Variants in RAB15 observed in about 807,000 individuals in gnomAD.
RAB15 encodes the protein ras-related protein Rab-15.
Under a neutral mutation model 31.8 loss-of-function variants are expected in RAB15, and 13 were observed. The ratio of observed to expected loss-of-function variants is 0.41; its 90% CI spans 0.27 to 0.65. The LOEUF is 0.65. RAB15 is among the 30% of genes least tolerant of loss of function. RAB15 has a pLI of 0.32. For synonymous variants in RAB15, 100 were observed against 105.6 expected, an observed-to-expected ratio of 0.95 and a Z score of 0.33; for missense variants, 220 against 277.3, an observed-to-expected ratio of 0.79 and a Z score of 1.47.
At chr14:64,965,093 A>G (rs1887061281) in intron 1 of RAB15, among the ~76,000 whole-genome samples, 2 of 152,232 alleles carry the variant, frequency 1.3e-5, no homozygotes, top group Non-Finnish European at 2.9e-5. Flanking sequence ...CTACAGGCAC[A>G]TGCCACCATA....
rs1018620242 is a variant in RAB15 at position 64,970,657 on chromosome 14, G to A, written c.124+1296C>T. 2.4e-4 allele frequency among the ~76,000 whole-genome samples: 37 copies of A among 152,302 alleles called. No homozygotes were observed. The highest frequency in any genetic ancestry group is 7.7e-4 in the African/African-American group (32 of 41,550). ...TGGCTGTGCTAAGCACTTAACAATC[G>A]TTATCTCATTTAATCTTGACAACAA... On this transcript the variant is annotated intron_variant, in intron 1 of 6. Coordinates refer to ENST00000533601, the MANE Select transcript of RAB15 (RefSeq NM_001308154.2). This position sits in a 1 kb window ranked among gnomAD's most constrained non-coding sequence, Gnocchi z 4.1.
chr14:64,968,300 G>A lies in RAB15; in HGVS notation c.124+3653C>T, dbSNP rs1022820125. ...TCCCACCTCTGTTATCTCTGCTCAT[G>A]TTACTCCATCTGCTCCCTTCTGCTG... is the stretch of plus-strand genomic sequence containing the variant. On this transcript the variant is annotated intron_variant, in intron 1 of 6. Transcript: ENST00000533601. This position sits in a 1 kb window ranked among gnomAD's most constrained non-coding sequence, Gnocchi z 4.9. 6.6e-6 allele frequency among the ~76,000 whole-genome samples: 1 copy of A among 152,140 alleles called. No homozygotes were observed. Among genetic ancestry groups the A allele is most frequent in the Admixed American group, 6.6e-5 (1 of 15,264 alleles).
At chr14:64,965,607 G>C (rs1343605077) in intron 1 of RAB15, among the ~76,000 whole-genome samples, 2 of 152,178 alleles carry the variant, frequency 1.3e-5, no homozygotes, top group Non-Finnish European at 2.9e-5. Flanking sequence ...GGCCTATACA[G>C]AAAACTGGCA....
In RAB15 at chr14:64,955,986, G is replaced by C. The variant is rs966065491; in HGVS notation, c.125-3415C>G. ...ATCTGGTAGGTGTAGGGCAAGGCCT[G>C]AGATGCTGCAGGAAGCTCCCAGGTG... On this transcript the variant is annotated intron_variant, in intron 1 of 6. Coordinates refer to ENST00000533601, the MANE Select transcript of RAB15 (RefSeq NM_001308154.2). The surrounding 1 kb of genome is among the most constrained non-coding windows in gnomAD (Gnocchi z 4.4). 6.6e-6 allele frequency among the ~76,000 whole-genome samples: 1 copy of C among 152,206 alleles called. No homozygotes were observed. The highest frequency in any genetic ancestry group is 1.5e-5 in the Non-Finnish European group (1 of 68,038).
intron 1 of RAB15, among the ~76,000 whole-genome samples, chr14:64,969,137 G>A (rs1887293414): frequency 6.6e-6 from 1 of 152,198 alleles, no homozygotes; most frequent in African/African-American, 2.4e-5. Flanking sequence ...TGGCCAGCAT[G>A]GTCATGTAAT....
rs1488608032 is a variant in RAB15 at position 64,954,420 on chromosome 14, T to G, written c.125-1849A>C. The G allele has an allele frequency of 1.0e-6, 1 of 985,294 alleles. No individual in the cohort carries two copies. The highest frequency in any genetic ancestry group is 1.7e-5 in the African/African-American group (1 of 57,216). The allele number at this position is 985,294 out of a possible 1,614,324, so 61.0% of individuals were successfully genotyped here. A position where few individuals can be genotyped will look rare whatever the true frequency, so the allele number is the denominator to read the frequency against. ...CCTTCTTCCAAGAAGAACGAGAAAT[T>G]TTCTCCAATTTGTAATATACCTGGT... On this transcript the variant is annotated intron_variant, in intron 1 of 6. Coordinates refer to ENST00000533601, the MANE Select transcript of RAB15 (RefSeq NM_001308154.2). The surrounding 1 kb of genome is among the most constrained non-coding windows in gnomAD (Gnocchi z 4.3).
chr14:64,971,516 C>G lies in RAB15; in HGVS notation c.124+437G>C, dbSNP rs1475986814. On this transcript the variant is annotated intron_variant, in intron 1 of 6. Transcript: ENST00000533601. This position sits in a 1 kb window ranked among gnomAD's most constrained non-coding sequence, Gnocchi z 4.1. The stretch of plus-strand genomic sequence containing the variant: ...CCCCCTCGCCCCCCGCCGGCTCCAC[C>G]TTGGGTCACCACAGAACCAAGGGCG... Among the ~76,000 whole-genome samples the G allele has an allele frequency of 6.6e-6, 1 of 152,128 alleles. No individual in the cohort carries two copies. Among genetic ancestry groups the G allele is most frequent in the African/African-American group, 2.4e-5 (1 of 41,524 alleles).
Position 64,953,033 on chromosome 14 carries a change from C to A in RAB15, c.125-462G>T, listed in dbSNP as rs1270298624. ...TGCCTTGTTAATAACCAGAAGGGGT[C>A]ATAGTGCCAGACTGTGGAGAGAGAG... On this transcript the variant is annotated intron_variant, in intron 1 of 6. Coordinates refer to ENST00000533601, the MANE Select transcript of RAB15 (RefSeq NM_001308154.2). The surrounding 1 kb of genome is among the most constrained non-coding windows in gnomAD (Gnocchi z 4.6). Among the ~76,000 whole-genome samples, 4 of 152,190 alleles carry A rather than the reference C, an allele frequency of 2.6e-5. No individual in the cohort carries two copies. The highest frequency in any genetic ancestry group is 5.9e-5 in the Non-Finnish European group (4 of 68,054).
rs1885997449 is a variant in RAB15 at position 64,947,816 on chromosome 14, G to C, written c.*538C>G. The C allele has an allele frequency of 6.6e-6, 1 of 152,480 alleles. No homozygotes were observed. The highest frequency in any genetic ancestry group is 1.5e-5 in the Non-Finnish European group (1 of 68,268). The allele number at this position is 152,480 out of a possible 1,614,324, so 9.4% of individuals were successfully genotyped here. A position where few individuals can be genotyped will look rare whatever the true frequency, so the allele number is the denominator to read the frequency against. ...GGTGGAGGGTTCTTCCTGGATCCAA[G>C]GGTGGAACCTCCCCACGAGCCTGGG... is the stretch of plus-strand genomic sequence containing the variant. On this transcript the variant is annotated 3_prime_UTR_variant, in exon 7 of 7. Transcript: ENST00000533601. The surrounding 1 kb of genome is among the most constrained non-coding windows in gnomAD (Gnocchi z 5.6).
chr14:64,949,802 C>A (rs1886146011), intron 5 of RAB15, among the ~76,000 whole-genome samples: 1 of 151,954 alleles, frequency 6.6e-6, no homozygotes, highest in African/African-American at 2.4e-5. Context: ...GGTCTCCCTG[C>A]ATGCTTGGAC....
Position 64,968,877 on chromosome 14 carries a change from A to C in RAB15, c.124+3076T>G, listed in dbSNP as rs945391476. ...GGCCACCTGCTGGTCTGCTGGCCAGAAAGACGAAAAGGATAGGGGGAGGGA... is the reference window on the plus strand; with the variant it reads ...GGCCACCTGCTGGTCTGCTGGCCAGCAAGACGAAAAGGATAGGGGGAGGGA... On this transcript the variant is annotated intron_variant, in intron 1 of 6. Transcript: ENST00000533601. This position sits in a 1 kb window ranked among gnomAD's most constrained non-coding sequence, Gnocchi z 4.9. Among the ~76,000 whole-genome samples the C allele has an allele frequency of 2.6e-5, 4 of 152,228 alleles. No individual in the cohort carries two copies. The highest frequency in any genetic ancestry group is 9.6e-5 in the African/African-American group (4 of 41,464).
chr14:64,957,705 A>C (rs1004017602), intron 1 of RAB15, among the ~76,000 whole-genome samples: 5 of 152,148 alleles, frequency 3.3e-5, no homozygotes, highest in Admixed American at 6.5e-5. Context: ...CCACTGACTC[A>C]TGTTCCCACA....
In RAB15 at chr14:64,950,535, C is replaced by T. The variant is rs574835214; in HGVS notation, c.325-121G>A. 112 of 842,356 alleles carry T rather than the reference C, an allele frequency of 1.3e-4. No individual in the cohort carries two copies. The highest frequency in any genetic ancestry group is 2.0e-4 in the Admixed American group (11 of 55,220). The allele number at this position is 842,356 out of a possible 1,614,324, so 52.2% of individuals were successfully genotyped here. A position where few individuals can be genotyped will look rare whatever the true frequency, so the allele number is the denominator to read the frequency against. ...CCAGAGCCCTAGGGACAGGGTGGGC[C>T]GACTGGATGCAGGTGCCAGGCTCCC... On this transcript the variant is annotated intron_variant, in intron 4 of 6. Transcript: ENST00000533601. The surrounding 1 kb of genome is among the most constrained non-coding windows in gnomAD (Gnocchi z 5.6).
At position 64,971,294 on chromosome 14, in the gene RAB15, C is replaced by T. The variant is rs1887403079; in HGVS notation, c.124+659G>A. Among the ~76,000 whole-genome samples the T allele has an allele frequency of 6.6e-6, 1 of 152,192 alleles. No individual in the cohort carries two copies. The highest frequency in any genetic ancestry group is 2.1e-4 in the South Asian group (1 of 4,836). On this transcript the variant is annotated intron_variant, in intron 1 of 6. Transcript: ENST00000533601. The surrounding 1 kb of genome is among the most constrained non-coding windows in gnomAD (Gnocchi z 4.1). Reference sequence around the variant, plus strand: ...CAGGCGGGTCCTGCCTGCCTTCTGACCCCTTGGTCTGGGCAGGTATTCCTG... The same window carrying T: ...CAGGCGGGTCCTGCCTGCCTTCTGATCCCTTGGTCTGGGCAGGTATTCCTG...
chr14:64,951,501 G>A lies in RAB15; in HGVS notation c.246+102C>T, dbSNP rs963050897. The A allele has an allele frequency of 6.9e-5, 75 of 1,087,032 alleles. No individual in the cohort carries two copies. Among genetic ancestry groups the A allele is most frequent in the East Asian group, 2.4e-4 (10 of 42,532 alleles). 67.3% of individuals were successfully genotyped at this position (1,087,032 alleles called of 1,614,324 possible). A position where few individuals can be genotyped will look rare whatever the true frequency, so the allele number is the denominator to read the frequency against. Reference sequence around the variant, plus strand: ...ACGCCCTGCGCTCCTCCAAGCAGGCGAACTGTATTTAGGGGATCCGTGGCA... The same window carrying A: ...ACGCCCTGCGCTCCTCCAAGCAGGCAAACTGTATTTAGGGGATCCGTGGCA... On this transcript the variant is annotated intron_variant, in intron 3 of 6. Coordinates refer to ENST00000533601, the MANE Select transcript of RAB15 (RefSeq NM_001308154.2). This position sits in a 1 kb window ranked among gnomAD's most constrained non-coding sequence, Gnocchi z 7.2.
In RAB15 at chr14:64,954,063, T is replaced by C; in HGVS notation, c.125-1492A>G. The stretch of plus-strand genomic sequence containing the variant: ...TCTTCCTTCCCACCATCAAGACCAA[T>C]CATCATTTAATTACAAGGGAAAAAA... On this transcript the variant is annotated intron_variant, in intron 1 of 6. Transcript: ENST00000533601. This position sits in a 1 kb window ranked among gnomAD's most constrained non-coding sequence, Gnocchi z 4.3. 1.0e-6 allele frequency: 1 copy of C among 985,400 alleles called. No individual in the cohort carries two copies. The highest frequency in any genetic ancestry group is 4.7e-5 in the South Asian group (1 of 21,284). The allele number at this position is 985,400 out of a possible 1,614,324, so 61.0% of individuals were successfully genotyped here. A position where few individuals can be genotyped will look rare whatever the true frequency, so the allele number is the denominator to read the frequency against.
At chr14:64,969,136 T>C (rs1391171046) in intron 1 of RAB15, among the ~76,000 whole-genome samples, 1 of 152,250 alleles carries the variant, frequency 6.6e-6, no homozygotes, top group Non-Finnish European at 1.5e-5. Context: ...GTGGCCAGCA[T>C]GGTCATGTAA....
chr14:64,950,273 C>G lies in RAB15; in HGVS notation c.414+52G>C. 6.8e-7 allele frequency: 1 copy of G among 1,476,706 alleles called. No homozygotes were observed. Among genetic ancestry groups the G allele is most frequent in the Non-Finnish European group, 9.5e-7 (1 of 1,055,896 alleles). 91.5% of individuals were successfully genotyped at this position (1,476,706 alleles called of 1,614,324 possible). On this transcript the variant is annotated intron_variant, in intron 5 of 6. Coordinates refer to ENST00000533601, the MANE Select transcript of RAB15 (RefSeq NM_001308154.2). This position sits in a 1 kb window ranked among gnomAD's most constrained non-coding sequence, Gnocchi z 5.6. Reference sequence around the variant, plus strand: ...TAGGTCCCCACGCTCAGGACTGGCCCTGGAGGCCCAGCAGAGGACCTGGGG... The same window carrying G: ...TAGGTCCCCACGCTCAGGACTGGCCGTGGAGGCCCAGCAGAGGACCTGGGG...
intron 1 of RAB15, among the ~76,000 whole-genome samples, chr14:64,956,410 C>CAAA (rs551478593): frequency 1.4e-5 from 1 of 72,950 alleles, no homozygotes; most frequent in Admixed American, 1.5e-4. Flanking sequence ...GACTTCATCT[C>CAAA]AAAAAAAAAA....
Sources: gnomAD v4.1 joint callset for allele counts (sites outside exome capture counted in the v4.1 genomes callset) on GRCh38, gnomAD v4.1.1 for gene constraint, Gnocchi (gnomAD v3.1) non-coding constraint, MANE v1.5 for transcripts, NCBI Gene and HGNC (gene_info 2026-07-23, HGNC 2026-07-21) for gene names.